Variants in SGCZ observed in about 807,000 individuals in gnomAD.
The protein encoded by SGCZ is zeta-sarcoglycan.
In SGCZ, 40 loss-of-function variants were observed where a neutral mutation model predicts 41.3. The observed-to-expected ratio is 0.97, with a 90% CI of 0.75 to 1.26. The LOEUF (loss-of-function observed/expected upper bound fraction) is 1.26. Among genes scored for constraint, SGCZ ranks in the 50% most tolerant of loss-of-function variants. SGCZ has a pLI of 0.00. For missense variants in SGCZ, 552 were observed against 369.8 expected (o/e 1.49, Z -4.04); for synonymous variants, 206 against 137.5 (o/e 1.50, Z -3.49).
At chr8:15,077,372 C>G (rs1242520336) in intron 1 of SGCZ, among the ~76,000 whole-genome samples, 2 of 152,226 alleles carry the variant, frequency 1.3e-5, no homozygotes, top group African/African-American at 2.4e-5. Context: ...ATTTGGAGTG[C>G]TCTGCCTGGC....
intron 1 of SGCZ, among the ~76,000 whole-genome samples, chr8:14,755,915 G>A (rs556843900): frequency 1.7e-4 from 26 of 152,160 alleles, no homozygotes; most frequent in Non-Finnish European, 3.2e-4. Context: ...AATGAAATCA[G>A]AATAAGTTCA....
chr8:15,085,066 C>T (rs1183986216), intron 1 of SGCZ, among the ~76,000 whole-genome samples: 1 of 152,018 alleles, frequency 6.6e-6, no homozygotes, highest in African/African-American at 2.4e-5. Flanking sequence ...CAAAATAACC[C>T]CAGGAGATCT....
intron 4 of SGCZ, among the ~76,000 whole-genome samples, chr8:14,177,436 C>T (rs1354045873): frequency 2.0e-5 from 3 of 152,180 alleles, no homozygotes; most frequent in Admixed American, 6.5e-5. Flanking sequence ...CAAATCAGCG[C>T]TCAAACGGTT....
At chr8:14,417,023 G>C (rs1035149404) in intron 2 of SGCZ, among the ~76,000 whole-genome samples, 2 of 151,780 alleles carry the variant, frequency 1.3e-5, no homozygotes, top group African/African-American at 4.8e-5. Context: ...CTTCTTCCCA[G>C]GATCAAGCAG....
At chr8:14,757,590 C>A (rs1799720123) in intron 1 of SGCZ, among the ~76,000 whole-genome samples, 1 of 152,090 alleles carries the variant, frequency 6.6e-6, no homozygotes, top group African/African-American at 2.4e-5. Flanking sequence ...AAAAAGGAGG[C>A]AGAAATAACT....
intron 2 of SGCZ, among the ~76,000 whole-genome samples, chr8:14,463,398 A>G (rs1057278478): frequency 4.4e-5 from 6 of 136,324 alleles, no homozygotes; most frequent in Admixed American, 2.3e-4. Flanking sequence ...GTTTTTAACA[A>G]GTGGTGTAAA....
chr8:14,319,088 G>A (rs1801827243), intron 3 of SGCZ, among the ~76,000 whole-genome samples: 1 of 151,920 alleles, frequency 6.6e-6, no homozygotes, highest in South Asian at 2.1e-4. Flanking sequence ...AATTATGATA[G>A]CTGTGGGGAA....
chr8:15,228,583 A>T (rs1314426429), intron 1 of SGCZ, among the ~76,000 whole-genome samples: 3 of 152,206 alleles, frequency 2.0e-5, no homozygotes, highest in African/African-American at 7.2e-5. Context: ...TTCTAAAATA[A>T]TGTCTCTGCC....
chr8:14,464,540 C>T (rs1292657823), intron 2 of SGCZ, among the ~76,000 whole-genome samples: 5 of 141,454 alleles, frequency 3.5e-5, no homozygotes, highest in Middle Eastern at 3.4e-3. Context: ...TTGATCTTTT[C>T]AAAGAACCTA....
Position 14,990,472 on chromosome 8 carries a change from C to A in SGCZ, c.39+247113G>T, listed in dbSNP as rs76575457. On this transcript the variant is annotated intron_variant, in intron 1 of 7. Transcript: ENST00000382080. ...TGAGCTCCACCTCCTGTCCCATCAA[C>A]CACAGCATTAGATTCGTATTGGAGC... Among the ~76,000 whole-genome samples, 1,415 of 152,190 alleles carry A rather than the reference C, an allele frequency of 9.3e-3. 25 individuals are homozygous for A. Among genetic ancestry groups the A allele is most frequent in the African/African-American group, 0.033 (1,363 of 41,528 alleles).
rs867369909 is a variant in SGCZ at position 14,727,059 on chromosome 8, T to C, written c.40-172133A>G. On this transcript the variant is annotated intron_variant, in intron 1 of 7. Transcript: ENST00000382080. Reference sequence around the variant, plus strand: ...TGCGAGGAAATATTTTCAATAAGCTTATCCGGCAAAAGACATTTAAAAAGA... The same window carrying C: ...TGCGAGGAAATATTTTCAATAAGCTCATCCGGCAAAAGACATTTAAAAAGA... Among the ~76,000 whole-genome samples, 6 of 152,204 alleles carry C rather than the reference T, an allele frequency of 3.9e-5. No individual in the cohort carries two copies. In the Middle Eastern group the frequency reaches 0.017, roughly 431 times the overall value.
At chr8:15,158,605 T>A (rs1036329684) in intron 1 of SGCZ, among the ~76,000 whole-genome samples, 1 of 152,226 alleles carries the variant, frequency 6.6e-6, no homozygotes, top group African/African-American at 2.4e-5. Flanking sequence ...TTCTTCTTAT[T>A]TAGAAATTCA....
chr8:14,546,343 C>A (rs184643189), intron 2 of SGCZ, among the ~76,000 whole-genome samples: 34 of 152,270 alleles, frequency 2.2e-4, no homozygotes, highest in African/African-American at 7.9e-4. Flanking sequence ...GCAAAAACTA[C>A]GGGCTTAAAT....
At chr8:14,695,730 T>A (rs1808938843) in intron 1 of SGCZ, among the ~76,000 whole-genome samples, 1 of 151,166 alleles carries the variant, frequency 6.6e-6, no homozygotes, top group Non-Finnish European at 1.5e-5. Flanking sequence ...CAATATACAG[T>A]TTTCAAAGAT....
chr8:14,415,587 T>C (rs1042269062), intron 2 of SGCZ, among the ~76,000 whole-genome samples: 5 of 152,028 alleles, frequency 3.3e-5, no homozygotes, highest in Non-Finnish European at 5.9e-5. Context: ...AGTGAGACAG[T>C]TGACATCTTT....
intron 1 of SGCZ, among the ~76,000 whole-genome samples, chr8:14,670,931 G>A (rs915304402): frequency 6.6e-6 from 1 of 152,206 alleles, no homozygotes; most frequent in Non-Finnish European, 1.5e-5. Context: ...TGAGTACACA[G>A]GTTGAAGCCA....
At chr8:14,233,613 C>CTA (rs5889523) in intron 4 of SGCZ, among the ~76,000 whole-genome samples, 34,289 of 142,832 alleles carry the variant, frequency 0.24, 5,212 homozygotes, top group Non-Finnish European at 0.35. Flanking sequence ...TATATATATT[C>CTA]TATATATATC....
intron 1 of SGCZ, among the ~76,000 whole-genome samples, chr8:14,770,520 G>C (rs1800199918): frequency 6.6e-6 from 1 of 151,700 alleles, no homozygotes; most frequent in Non-Finnish European, 1.5e-5. Context: ...ATATTATAAA[G>C]TATATATATG....
chr8:14,529,444 G>A (rs561128620), intron 2 of SGCZ, among the ~76,000 whole-genome samples: 2 of 152,242 alleles, frequency 1.3e-5, no homozygotes, highest in Admixed American at 1.3e-4. Context: ...TTTAGCATCT[G>A]TTCCTAACTC....
Sources: gnomAD v4.1 joint callset for allele counts (sites outside exome capture counted in the v4.1 genomes callset) on GRCh38, gnomAD v4.1.1 for gene constraint, MANE v1.5 for transcripts, NCBI Gene and HGNC (gene_info 2026-07-23, HGNC 2026-07-21) for gene names.